The following TRMT44 variants were observed in gnomAD, a reference collection of about 807,000 sequenced individuals.
TRMT44 encodes the protein probable tRNA (uracil-O(2)-)-methyltransferase.
In TRMT44, 78 loss-of-function variants were observed where a neutral mutation model predicts 77.3. The observed-to-expected ratio is 1.01, with a 90% CI of 0.84 to 1.22. The LOEUF (loss-of-function observed/expected upper bound fraction) is 1.22. Among genes scored for constraint, TRMT44 ranks in the 50% most tolerant of loss-of-function variants. The pLI is 0.00. For missense variants in TRMT44, 1,090 were observed against 964.4 expected, an observed-to-expected ratio of 1.13 and a Z score of -1.73; for synonymous variants, 391 against 383.3, an observed-to-expected ratio of 1.02 and a Z score of -0.23.
At chr4:8,455,433 T>A (rs1725743461) in intron 6 of TRMT44, among the ~76,000 whole-genome samples, 1 of 152,220 alleles carries the variant, frequency 6.6e-6, no homozygotes, top group South Asian at 2.1e-4. Flanking sequence ...GGCACACAGA[T>A]GATGTGTAGG....
chr4:8,475,702 A>C (rs531583621), intron 10 of TRMT44, 70 bp from the exon 11 acceptor site: 1 of 1,493,118 alleles, frequency 6.7e-7, no homozygotes, highest in South Asian at 1.2e-5. Context: ...GTGGGAGCTA[A>C]AGAGAGGCTG....
intron 10 of TRMT44, among the ~76,000 whole-genome samples, chr4:8,471,473 A>G (rs1726993233): frequency 6.6e-6 from 1 of 152,206 alleles, no homozygotes; most frequent in Non-Finnish European, 1.5e-5. Flanking sequence ...CTGACGCCTC[A>G]GCTCCACTTG....
downstream of TRMT44, among the ~76,000 whole-genome samples, chr4:8,498,246 A>G (rs956048611): frequency 1.2e-4 from 18 of 152,286 alleles, no homozygotes; most frequent in African/African-American, 4.1e-4. This position sits in a 1 kb window ranked among gnomAD's most constrained non-coding sequence, Gnocchi z 4.3. Flanking sequence ...TGTGCACTGC[A>G]GGGTCTGGCA....
chr4:8,467,552 G>A (rs1726671115), intron 8 of TRMT44, among the ~76,000 whole-genome samples: 1 of 152,206 alleles, frequency 6.6e-6, no homozygotes, highest in East Asian at 1.9e-4. Flanking sequence ...GCACAATCTT[G>A]GCTCACTGGC....
At chr4:8,493,871 C>T (rs1386716586), downstream of TRMT44, among the ~76,000 whole-genome samples, 1 of 151,672 alleles carries the variant, frequency 6.6e-6, no homozygotes, top group Non-Finnish European at 1.5e-5. Flanking sequence ...TTTCCACCTT[C>T]ATGGTCCTTA....
intron 6 of TRMT44, among the ~76,000 whole-genome samples, chr4:8,456,336 T>C (rs1041247888): frequency 5.9e-5 from 9 of 152,176 alleles, no homozygotes; most frequent in Non-Finnish European, 7.4e-5. Context: ...TTTCAACGTG[T>C]TTGGTGCAAT....
At chr4:8,472,928 C>T (rs1727118831) in intron 10 of TRMT44, among the ~76,000 whole-genome samples, 1 of 152,184 alleles carries the variant, frequency 6.6e-6, no homozygotes. Flanking sequence ...GAAATACTGT[C>T]TTTTTCACCC....
At chr4:8,447,141 G>A (rs1157905338) in intron 2 of TRMT44, among the ~76,000 whole-genome samples, 6 of 152,124 alleles carry the variant, frequency 3.9e-5, no homozygotes, top group African/African-American at 1.4e-4. Flanking sequence ...CTCCCAAAGT[G>A]CTGAGATTTC....
chr4:8,452,976 T>G lies in TRMT44; in HGVS notation c.1118T>G (p.Leu373Arg), dbSNP rs1371262492. The part of the protein sequence containing the change: ...GCGNGLLVHI[L>R]SSEGHPGRGI... ...GGAAATGGCCTCCTGGTCCACATCC[T>G]GAGCAGTGAGGGGGTAAGGCCCGGC... The change falls in exon 5 of 11, where the codon CTG becomes CGG. Residue 373 changes from leucine to arginine, a missense_variant. Coordinates refer to ENST00000389737, the MANE Select transcript of TRMT44 (RefSeq NM_152544.3). This position sits in a 1 kb window ranked among gnomAD's most constrained non-coding sequence, Gnocchi z 5.7. 6.6e-7 allele frequency: 1 copy of G among 1,524,456 alleles called. No homozygotes were observed. The highest frequency in any genetic ancestry group is 2.0e-5 in the Admixed American group (1 of 49,162). 94.4% of individuals were successfully genotyped at this position (1,524,456 alleles called of 1,614,324 possible).
the TRMT44 span, among the ~76,000 whole-genome samples, chr4:8,503,918 G>A: frequency 1.3e-5 from 2 of 152,170 alleles, no homozygotes; most frequent in East Asian, 1.9e-4. Flanking sequence ...CACGCACCTC[G>A]GTGCCAAGGC....
At chr4:8,486,402 G>A (rs1254491118) in intron 2 of TRMT44, among the ~76,000 whole-genome samples, 1 of 152,178 alleles carries the variant, frequency 6.6e-6, no homozygotes, top group African/African-American at 2.4e-5. Context: ...CTCTATTATT[G>A]TACACCTTGA....
intron 8 of TRMT44, among the ~76,000 whole-genome samples, chr4:8,466,874 CTGGGTG>C (rs1226323169): frequency 7.2e-5 from 11 of 152,308 alleles, no homozygotes; most frequent in African/African-American, 2.4e-4. Context: ...CTGGTGGGGA[CTGGGTG>C]TGTGACAGGC....
Position 8,461,654 on chromosome 4 carries a change from CTGT to C in TRMT44, c.1204-2328_1204-2326del, listed in dbSNP as rs1223166463. On this transcript the variant is annotated intron_variant, in intron 6 of 10. Transcript: ENST00000389737. This position sits in a 1 kb window ranked among gnomAD's most constrained non-coding sequence, Gnocchi z 4.6. ...CGAGCACTTAGTCAGGAAAGGCCTG[CTGT>C]TGAGAGTTCTGTATTCTAATCAAGT... Among the ~76,000 whole-genome samples the C allele has an allele frequency of 6.6e-6, 1 of 152,112 alleles. No homozygotes were observed. Among genetic ancestry groups the C allele is most frequent in the African/African-American group, 2.4e-5 (1 of 41,402 alleles).
At chr4:8,463,706 A>G (rs1302308254) in intron 6 of TRMT44, among the ~76,000 whole-genome samples, 2 of 152,142 alleles carry the variant, frequency 1.3e-5, no homozygotes, top group Admixed American at 1.3e-4. Context: ...CTGTGGAAAA[A>G]TCAGCTTTTA....
downstream of TRMT44, among the ~76,000 whole-genome samples, chr4:8,496,094 T>C (rs957469201): frequency 6.6e-6 from 1 of 152,172 alleles, no homozygotes; most frequent in Non-Finnish European, 1.5e-5. Flanking sequence ...ATGAGAAACC[T>C]TCATTTGCAT....
intron 2 of TRMT44, among the ~76,000 whole-genome samples, chr4:8,490,983 T>C (rs1032198409): frequency 1.3e-5 from 2 of 151,708 alleles, no homozygotes; most frequent in African/African-American, 4.8e-5. Flanking sequence ...AGATAGAGAG[T>C]GTCGACTGGT....
chr4:8,491,852 C>A (rs1300400879), intron 2 of TRMT44, among the ~76,000 whole-genome samples: 1 of 152,256 alleles, frequency 6.6e-6, no homozygotes, highest in African/African-American at 2.4e-5. Context: ...CAGAAAGGGG[C>A]TCCCACAGTG....
intron 3 of TRMT44, 61 bp downstream of exon 3, chr4:8,449,949 C>CTTTTCTTTTCTTTTTTTTTTTTTTCTTT: frequency 4.2e-6 from 1 of 238,690 alleles, no homozygotes; most frequent in Non-Finnish European, 6.1e-6. Flanking sequence ...CTTTTCTTTT[C>CTTTTCTTTTCTTTTTTTTTTTTTTCTTT]TTTTTTTTTT....
intron 9 of TRMT44, among the ~76,000 whole-genome samples, chr4:8,469,700 G>A (rs773050139): frequency 2.6e-5 from 4 of 152,184 alleles, no homozygotes; most frequent in African/African-American, 7.2e-5. Context: ...CTGGACCCCC[G>A]TCCCCTCCAG....
Sources: allele counts gnomAD v4.1 joint callset (sites outside exome capture counted in the v4.1 genomes callset), GRCh38; gene constraint gnomAD v4.1.1; non-coding constraint Gnocchi (gnomAD v3.1); transcripts MANE v1.5; gene names NCBI Gene and HGNC (gene_info 2026-07-23, HGNC 2026-07-21).